Variants in EIF4ENIF1 observed in about 807,000 individuals in gnomAD.
The protein encoded by EIF4ENIF1 is eukaryotic translation initiation factor 4E nuclear import factor 1, also known as eukaryotic translation initiation factor 4E transporter.
A neutral mutation model predicts 110.5 loss-of-function variants in EIF4ENIF1; 23 were observed. The observed-to-expected ratio is 0.21, with a 90% confidence interval of 0.15 to 0.29. EIF4ENIF1 has a LOEUF of 0.29. EIF4ENIF1 is among the 10% of genes least tolerant of loss of function. The pLI, the probability that EIF4ENIF1 is intolerant of heterozygous loss-of-function variation, is 1.00. For synonymous variants in EIF4ENIF1, 440 were observed against 437.0 expected, an observed-to-expected ratio of 1.01 and a Z score of -0.09; for missense variants, 1,031 against 1,221.1, an observed-to-expected ratio of 0.84 and a Z score of 2.32.
At chr22:31,479,575 C>T (rs548556682) in intron 2 of EIF4ENIF1, 3 of 151,928 alleles carry the variant, frequency 2.0e-5, no homozygotes, top group South Asian at 2.1e-4. Context: ...TCAAAGAAAA[C>T]GTTCAACTAT....
At chr22:31,442,410 T>TA (rs1350219815) in intron 16 of EIF4ENIF1, among the ~76,000 whole-genome samples, 4 of 152,124 alleles carry the variant, frequency 2.6e-5, no homozygotes, top group Non-Finnish European at 1.5e-5. Context: ...ACTGTCTTAA[T>TA]AGTACCAACA....
upstream of EIF4ENIF1, among the ~76,000 whole-genome samples, chr22:31,493,544 T>C (rs1297281227): frequency 1.3e-5 from 2 of 152,128 alleles, no homozygotes; most frequent in Non-Finnish European, 2.9e-5. Context: ...CAGGCTGGTC[T>C]GAACTCCTGA....
rs1374912537 is a variant in EIF4ENIF1 at position 31,463,538 on chromosome 22, C to T, written c.585+143G>A. 16 of 811,464 alleles carry T rather than the reference C, an allele frequency of 2.0e-5. No homozygotes were observed. In the East Asian group the frequency reaches 2.2e-4, roughly 11 times the overall value. The allele number at this position is 811,464 out of a possible 1,614,324, so 50.3% of individuals were successfully genotyped here. A position where few individuals can be genotyped will look rare whatever the true frequency, so the allele number is the denominator to read the frequency against. Reference sequence around the variant, plus strand: ...TCTACTAAAAATATAAAAAGTTAGCCGGGTATGGTGGTGCGTGCCTATAAT... The same window carrying T: ...TCTACTAAAAATATAAAAAGTTAGCTGGGTATGGTGGTGCGTGCCTATAAT... On this transcript the variant is annotated intron_variant, in intron 5 of 18. Transcript: ENST00000330125.
intron 14 of EIF4ENIF1, among the ~76,000 whole-genome samples, chr22:31,445,961 C>A (rs868442270): frequency 1.3e-5 from 2 of 148,354 alleles, no homozygotes; most frequent in African/African-American, 5.0e-5. Context: ...CCGCCCCCCC[C>A]CCCCATCTAC....
chr22:31,466,589 CA>C (rs935452694), intron 4 of EIF4ENIF1, among the ~76,000 whole-genome samples: 1 of 133,498 alleles, frequency 7.5e-6, no homozygotes, highest in Non-Finnish European at 1.5e-5. Context: ...CTCAAAAAAA[CA>C]ACAAAAAAAA....
At chr22:31,441,418 T>C (rs1006007111) in intron 17 of EIF4ENIF1, among the ~76,000 whole-genome samples, 1 of 151,474 alleles carries the variant, frequency 6.6e-6, no homozygotes, top group Non-Finnish European at 1.5e-5. Context: ...CGTGCACCTG[T>C]AGTCCCAGCT....
intron 14 of EIF4ENIF1, 90 bp downstream of exon 14, chr22:31,447,336 G>C: frequency 1.3e-6 from 2 of 1,501,740 alleles, no homozygotes; most frequent in South Asian, 1.2e-5. Context: ...ACCACAGTAT[G>C]TACAACAGAA....
intron 15 of EIF4ENIF1, chr22:31,443,467 T>C (rs968750936): frequency 1.8e-5 from 3 of 169,170 alleles, no homozygotes; most frequent in Non-Finnish European, 3.8e-5. Context: ...ATACTCCTAA[T>C]ATTTCCCTTA....
chr22:31,466,004 T>C (rs1255023457), intron 4 of EIF4ENIF1, among the ~76,000 whole-genome samples: 3 of 152,182 alleles, frequency 2.0e-5, no homozygotes, highest in Non-Finnish European at 2.9e-5. Flanking sequence ...GTCCGGACAC[T>C]ATGGCTCATG....
chr22:31,487,578 C>T (rs1467879041), intron 2 of EIF4ENIF1, among the ~76,000 whole-genome samples: 1 of 152,068 alleles, frequency 6.6e-6, no homozygotes. Flanking sequence ...GGGCGGATTG[C>T]TTAAGCCCAG....
chr22:31,453,940 C>T (rs901805706), intron 10 of EIF4ENIF1, among the ~76,000 whole-genome samples: 2 of 152,144 alleles, frequency 1.3e-5, no homozygotes, highest in Admixed American at 6.5e-5. Flanking sequence ...ACCCACAATA[C>T]ATATAAATTA....
rs1157307421 is a variant in EIF4ENIF1 at position 31,455,140 on chromosome 22, T to A, written c.1275A>T (p.Glu425Asp). 1 of 1,610,122 alleles carries A rather than the reference T, an allele frequency of 6.2e-7. No homozygotes were observed. Among genetic ancestry groups the A allele is most frequent in the Non-Finnish European group, 8.5e-7 (1 of 1,178,636 alleles). Reference sequence around the variant, plus strand: ...CAGATATTCATAAACACTTACAGCTTTCTTTAAGTTTTTCTTTATTTGCAG... The same window carrying A: ...CAGATATTCATAAACACTTACAGCTATCTTTAAGTTTTTCTTTATTTGCAG... ...SLSANKEKLKESSHSGVVLSV... is the reference protein window; with the variant it reads ...SLSANKEKLKDSSHSGVVLSV... Residue 425 changes from glutamate to aspartate, a missense_variant, in exon 9 of 19, where the codon GAA (glutamate) becomes GAT (aspartate). Around this residue, in one of 3 missense-constraint regions of EIF4ENIF1, gnomAD observed 704 missense variants for 879.7 expected, o/e 0.80. Coordinates refer to ENST00000330125, the MANE Select transcript of EIF4ENIF1 (RefSeq NM_019843.4).
chr22:31,442,221 C>G, intron 16 of EIF4ENIF1, 103 bp from the exon 17 acceptor site: 2 of 911,308 alleles, frequency 2.2e-6, no homozygotes, highest in East Asian at 4.8e-5. Flanking sequence ...CAATTCTTAT[C>G]TGATACCCTT....
rs1490639569 is a variant in EIF4ENIF1 at position 31,442,217 on chromosome 22, T to C, written c.2207-99A>G. 1.3e-5 allele frequency: 12 copies of C among 936,846 alleles called. No homozygotes were observed. The African/African-American group carries it at 1.3e-4, about 10-fold the overall frequency. The allele number at this position is 936,846 out of a possible 1,614,324, so 58.0% of individuals were successfully genotyped here. A position where few individuals can be genotyped will look rare whatever the true frequency, so the allele number is the denominator to read the frequency against. ...ATCTCATTTCTTAAGGTCACAATTC[T>C]TATCTGATACCCTTAACAAGTTTAG... On this transcript the variant is annotated intron_variant, in intron 16 of 18. Transcript: ENST00000330125.
chr22:31,451,778 C>T (rs1569074715), intron 10 of EIF4ENIF1, among the ~76,000 whole-genome samples: 1 of 151,884 alleles, frequency 6.6e-6, no homozygotes, highest in Admixed American at 6.6e-5. Flanking sequence ...AGGTGTACAC[C>T]ACCAGGCCTG....
At position 31,439,626 on chromosome 22, in the gene EIF4ENIF1, C is replaced by T; in HGVS notation, c.*254G>A. The T allele has an allele frequency of 1.9e-6, 1 of 523,472 alleles. No individual in the cohort carries two copies. Among genetic ancestry groups the T allele is most frequent in the Non-Finnish European group, 3.3e-6 (1 of 301,622 alleles). 32.4% of individuals were successfully genotyped at this position (523,472 alleles called of 1,614,324 possible). A position where few individuals can be genotyped will look rare whatever the true frequency, so the allele number is the denominator to read the frequency against. The stretch of plus-strand genomic sequence containing the variant: ...GGTGAGGACACCAACACTTCATTCA[C>T]ATATCTTACAAAAAAGAAAGACCAT... On this transcript the variant is annotated 3_prime_UTR_variant, in exon 19 of 19. Transcript: ENST00000330125.
At chr22:31,474,498 T>C (rs2051501472) in intron 2 of EIF4ENIF1, among the ~76,000 whole-genome samples, 1 of 152,064 alleles carries the variant, frequency 6.6e-6, no homozygotes, top group African/African-American at 2.4e-5. Context: ...TTTTTTTTTT[T>C]TTTTTCCTAA....
chr22:31,471,826 C>G lies in EIF4ENIF1; in HGVS notation c.170+18G>C. On this transcript the variant is annotated intron_variant, in intron 3 of 18. Transcript: ENST00000330125. ...GTTATTGACTAGAAGTAGTTAAGGA[C>G]TAGAATGACACACATACCTGTCATA... 6.3e-7 allele frequency: 1 copy of G among 1,586,356 alleles called. No individual in the cohort carries two copies. Among genetic ancestry groups the G allele is most frequent in the Non-Finnish European group, 8.6e-7 (1 of 1,169,338 alleles).
At chr22:31,471,519 T>G (rs1047830154) in intron 3 of EIF4ENIF1, among the ~76,000 whole-genome samples, 1 of 152,170 alleles carries the variant, frequency 6.6e-6, no homozygotes, top group Non-Finnish European at 1.5e-5. Context: ...TTTCACCATG[T>G]CAGCCAGGAT....
Sources: gnomAD v4.1 joint callset for allele counts (sites outside exome capture counted in the v4.1 genomes callset) on GRCh38, gnomAD v4.1.1 for gene constraint, gnomAD v4.1.1 regional missense constraint, MANE v1.5 for transcripts, NCBI Gene and HGNC (gene_info 2026-07-23, HGNC 2026-07-21) for gene names.